The following FSTL4 variants were observed in gnomAD, a reference collection of about 807,000 sequenced individuals.
FSTL4 encodes follistatin-related protein 4.
FSTL4 carries 28 observed loss-of-function variants against 78.2 expected under a neutral mutation model. That is an observed-to-expected ratio of 0.36 (90% CI 0.27 to 0.49). The LOEUF (loss-of-function observed/expected upper bound fraction) is 0.49, where lower values mean the gene tolerates loss of function less well. Ranked by LOEUF, FSTL4 falls within the 20% of genes least tolerant of loss-of-function variation. The pLI is 0.98. For synonymous variants in FSTL4, 422 were observed against 440.5 expected (o/e 0.96, Z 0.53); for missense variants, 922 against 1,084.9 (o/e 0.85, Z 2.11).
chr5:133,716,244 A>G, the FSTL4 span, among the ~76,000 whole-genome samples: 1 of 152,192 alleles, frequency 6.6e-6, no homozygotes, highest in Non-Finnish European at 1.5e-5. Flanking sequence ...TGCACAAGCA[A>G]AAGTACAGAA....
chr5:133,200,473 G>A (rs902126862), intron 15 of FSTL4, among the ~76,000 whole-genome samples: 1 of 152,256 alleles, frequency 6.6e-6, no homozygotes, highest in Non-Finnish European at 1.5e-5. Context: ...GCTAGCTGCA[G>A]AGCCTGGGGC....
the FSTL4 span, among the ~76,000 whole-genome samples, chr5:133,670,408 C>T: frequency 9.9e-5 from 15 of 152,172 alleles, no homozygotes; most frequent in East Asian, 3.8e-4. Flanking sequence ...CAAAGGAAAG[C>T]GTGGGCAAGG....
intron 4 of FSTL4, among the ~76,000 whole-genome samples, chr5:133,398,192 C>T (rs748873274): frequency 1.3e-5 from 2 of 152,168 alleles, no homozygotes; most frequent in East Asian, 3.9e-4. Flanking sequence ...CCGTCAGGCT[C>T]CTGTGAATCA....
chr5:133,252,303 G>A (rs542748502), intron 6 of FSTL4: 27 of 152,344 alleles, frequency 1.8e-4, no homozygotes, highest in Admixed American at 1.3e-3. Context: ...TTGGGCCATC[G>A]GGGAGGGGCT....
chr5:133,463,100 C>T (rs980317062), intron 3 of FSTL4, among the ~76,000 whole-genome samples: 10 of 152,216 alleles, frequency 6.6e-5, no homozygotes, highest in Admixed American at 3.9e-4. Flanking sequence ...CAAGCAATCA[C>T]GGCAGGCCCA....
intron 6 of FSTL4, among the ~76,000 whole-genome samples, chr5:133,277,171 C>T (rs1041675465): frequency 6.6e-6 from 1 of 152,146 alleles, no homozygotes; most frequent in Admixed American, 6.5e-5. Flanking sequence ...AATAAATTAG[C>T]TGGGTGTGGC....
intron 3 of FSTL4, among the ~76,000 whole-genome samples, chr5:133,501,114 C>A (rs958368077): frequency 6.6e-6 from 1 of 152,070 alleles, no homozygotes; most frequent in African/African-American, 2.4e-5. Context: ...AAAGAGAGGG[C>A]AGATCACAAG....
At chr5:133,427,708 T>C (rs748419293) in intron 3 of FSTL4, 3 of 513,846 alleles carry the variant, frequency 5.8e-6, no homozygotes, top group Admixed American at 1.9e-5. Context: ...GGACCGTGGC[T>C]GAGTTAGGTT....
the FSTL4 span, among the ~76,000 whole-genome samples, chr5:133,786,712 T>C: frequency 6.6e-6 from 1 of 152,128 alleles, no homozygotes; most frequent in African/African-American, 2.4e-5. Flanking sequence ...AAGGACTTCC[T>C]AGGGTCAACT....
the FSTL4 span, among the ~76,000 whole-genome samples, chr5:133,826,027 C>T: frequency 6.6e-6 from 1 of 152,248 alleles, no homozygotes; most frequent in Non-Finnish European, 1.5e-5. Flanking sequence ...CACCAACTTC[C>T]TGCCACTGCC....
chr5:133,661,607 T>C, the FSTL4 span, among the ~76,000 whole-genome samples: 1 of 152,244 alleles, frequency 6.6e-6, no homozygotes, highest in Non-Finnish European at 1.5e-5. Flanking sequence ...GATGTCACTA[T>C]TTTCTCCAGT....
intron 1 of FSTL4, among the ~76,000 whole-genome samples, chr5:133,610,748 C>A (rs1460310624): frequency 6.6e-6 from 1 of 152,202 alleles, no homozygotes; most frequent in Non-Finnish European, 1.5e-5. Flanking sequence ...GCCTGGCTCC[C>A]AGGATTAAGA....
chr5:133,542,618 T>G (rs1330484074), intron 3 of FSTL4, among the ~76,000 whole-genome samples: 1 of 152,224 alleles, frequency 6.6e-6, no homozygotes, highest in African/African-American at 2.4e-5. Context: ...GAAATCTGAT[T>G]ATATTTCTTG....
At chr5:133,297,069 T>C (rs1398686865) in intron 6 of FSTL4, among the ~76,000 whole-genome samples, 2 of 152,144 alleles carry the variant, frequency 1.3e-5, no homozygotes, top group African/African-American at 2.4e-5. Context: ...ATTGCACCCT[T>C]TGATGGAAGG....
chr5:133,199,692 G>A lies in FSTL4; in HGVS notation c.1932C>T (p.Pro644=). ...CCAGGTGGGTGTGTGCCATGGCCTG[G>A]GGCACGCAGCCATGGTGGTGCAGGC... ...TIGLHHHGCV[P]QAMAHTHLGG... is the part of the protein sequence containing the mutation. The change falls in exon 16 of 16, where the codon CCC becomes CCT. Residue 644 remains proline (P), a synonymous_variant. Transcript: ENST00000265342. The surrounding 1 kb of genome is among the most constrained non-coding windows in gnomAD (Gnocchi z 4.4). The A allele has an allele frequency of 6.2e-7, 1 of 1,613,718 alleles. No homozygotes were observed. Among genetic ancestry groups the A allele is most frequent in the South Asian group, 1.1e-5 (1 of 91,032 alleles).
the FSTL4 span, among the ~76,000 whole-genome samples, chr5:133,635,358 A>T: frequency 1.3e-5 from 2 of 152,230 alleles, no homozygotes; most frequent in African/African-American, 4.8e-5. Context: ...GTAGGTCTTG[A>T]TGTGAAGTAA....
intron 3 of FSTL4, among the ~76,000 whole-genome samples, chr5:133,559,195 T>G (rs1368480782): frequency 6.6e-6 from 1 of 152,250 alleles, no homozygotes; most frequent in African/African-American, 2.4e-5. Context: ...CAAATGATTT[T>G]AACTCACAGA....
At chr5:133,268,305 C>CGGTCAACTTTGGTCTG (rs1752689777) in intron 6 of FSTL4, among the ~76,000 whole-genome samples, 1 of 152,186 alleles carries the variant, frequency 6.6e-6, no homozygotes, top group Non-Finnish European at 1.5e-5. Context: ...ACTTTGGGTC[C>CGGTCAACTTTGGTCTG]GGTCAACTTT....
At chr5:133,760,675 C>G in the FSTL4 span, among the ~76,000 whole-genome samples, 19 of 152,170 alleles carry the variant, frequency 1.2e-4, no homozygotes, top group Admixed American at 2.6e-4. Context: ...CTTCTGCTTG[C>G]AGCCTGGCCA....
Sources: allele counts gnomAD v4.1 joint callset (sites outside exome capture counted in the v4.1 genomes callset), GRCh38; gene constraint gnomAD v4.1.1; non-coding constraint Gnocchi (gnomAD v3.1); transcripts MANE v1.5; gene names NCBI Gene and HGNC (gene_info 2026-07-23, HGNC 2026-07-21).